BMPER: variants seen among roughly 807,000 people sequenced by gnomAD.
BMPER encodes the protein BMP-binding endothelial regulator protein.
In BMPER, 45 loss-of-function variants were observed where a neutral mutation model predicts 87.3. The observed-to-expected ratio is 0.52, with a 90% CI of 0.41 to 0.66. The LOEUF (loss-of-function observed/expected upper bound fraction) is 0.66. Ranked by LOEUF, BMPER falls within the 30% of genes least tolerant of loss-of-function variation. BMPER has a pLI of 0.00. For synonymous variants in BMPER, 326 were observed against 316.2 expected (o/e 1.03, Z -0.33); for missense variants, 784 against 867.5 (o/e 0.90, Z 1.21).
intron 13 of BMPER, among the ~76,000 whole-genome samples, chr7:34,138,542 C>G (rs1790782288): frequency 6.6e-6 from 1 of 152,176 alleles, no homozygotes; most frequent in Non-Finnish European, 1.5e-5. Context: ...AAGAGTCCTA[C>G]CTGAACCCTG....
intron 13 of BMPER, among the ~76,000 whole-genome samples, chr7:34,087,803 T>A (rs1789258587): frequency 6.6e-6 from 1 of 152,206 alleles, no homozygotes; most frequent in Admixed American, 6.5e-5. Context: ...CACCTTTGAT[T>A]TTTATCCCAT....
At chr7:34,022,760 T>C (rs1475722782) in intron 6 of BMPER, among the ~76,000 whole-genome samples, 1 of 151,438 alleles carries the variant, frequency 6.6e-6, no homozygotes, top group East Asian at 2.0e-4. Flanking sequence ...ATTTATCATA[T>C]TGGCAATATG....
At chr7:34,104,845 A>G (rs1273825916) in intron 13 of BMPER, among the ~76,000 whole-genome samples, 2 of 152,200 alleles carry the variant, frequency 1.3e-5, no homozygotes, top group African/African-American at 4.8e-5. Flanking sequence ...TCCCAGCCTG[A>G]CAGATGGGTG....
chr7:34,136,316 T>C (rs1790717794), intron 13 of BMPER, among the ~76,000 whole-genome samples: 1 of 152,054 alleles, frequency 6.6e-6, no homozygotes, highest in Non-Finnish European at 1.5e-5. Flanking sequence ...TAAGAATGAG[T>C]GTGTGAACGT....
intron 11 of BMPER, among the ~76,000 whole-genome samples, chr7:34,077,356 G>GA (rs1219044759): frequency 6.6e-6 from 1 of 152,158 alleles, no homozygotes; most frequent in Non-Finnish European, 1.5e-5. Context: ...ATTGGAGTCA[G>GA]AAGGAAAAGC....
At chr7:33,969,621 G>T (rs929172481) in intron 4 of BMPER, among the ~76,000 whole-genome samples, 2 of 152,124 alleles carry the variant, frequency 1.3e-5, no homozygotes, top group Admixed American at 6.5e-5. Context: ...GGATGGTCTC[G>T]ATCTCCTGAC....
intron 13 of BMPER, among the ~76,000 whole-genome samples, chr7:34,124,459 T>A (rs953128958): frequency 2.6e-5 from 4 of 152,022 alleles, no homozygotes; most frequent in Admixed American, 6.6e-5. Flanking sequence ...GTTTTTTTTT[T>A]TTTTGTGACA....
intron 13 of BMPER, among the ~76,000 whole-genome samples, chr7:34,139,771 A>G (rs1241127049): frequency 6.6e-6 from 1 of 152,170 alleles, no homozygotes; most frequent in Non-Finnish European, 1.5e-5. Flanking sequence ...TATATTTTCA[A>G]AACTTCATTG....
intron 3 of BMPER, among the ~76,000 whole-genome samples, chr7:33,943,596 T>G (rs1313516239): frequency 6.6e-6 from 1 of 152,218 alleles, no homozygotes; most frequent in African/African-American, 2.4e-5. Context: ...GGTGTGCATG[T>G]GTCAAACTAT....
rs371412264 is a variant in BMPER, at chr7:33,909,228, T to C, written c.219+2325T>C. On this transcript the variant is annotated intron_variant, in intron 2 of 14. Transcript: ENST00000649409. ...ACTGAGGCATAGGGGGCTAAGTAGC[T>C]TGTGAAGGTTGCATTTGAGTAAATA... 9.9e-4 allele frequency among the ~76,000 whole-genome samples: 151 copies of C among 152,316 alleles called. 2 individuals are homozygous for C. Among genetic ancestry groups the C allele is most frequent in the African/African-American group, 3.5e-3 (145 of 41,570 alleles).
chr7:33,913,660 T>C (rs1032112190), intron 2 of BMPER, among the ~76,000 whole-genome samples: 5 of 152,192 alleles, frequency 3.3e-5, no homozygotes, highest in African/African-American at 1.2e-4. Context: ...AATATTTTGA[T>C]AGAAAGACTC....
chr7:33,984,060 G>C (rs1015616490), intron 6 of BMPER, among the ~76,000 whole-genome samples: 1 of 152,118 alleles, frequency 6.6e-6, no homozygotes, highest in African/African-American at 2.4e-5. Context: ...GGAAAATTGA[G>C]ACATAATCTA....
chr7:33,905,466 C>T (rs1376060316), upstream of BMPER: 69 of 731,964 alleles, frequency 9.4e-5, no homozygotes, highest in Non-Finnish European at 1.3e-4. Flanking sequence ...CACCCCCCCG[C>T]CCCCCAGCTC....
chr7:34,074,187 T>C (rs1412762795), intron 11 of BMPER, among the ~76,000 whole-genome samples: 1 of 152,276 alleles, frequency 6.6e-6, no homozygotes, highest in African/African-American at 2.4e-5. Flanking sequence ...ACAGATTGGT[T>C]ACTATTTCTG....
At position 34,108,370 on chromosome 7, in the gene BMPER, C is replaced by T. The variant is rs1418575886; in HGVS notation, c.1745+22278C>T. 3.3e-5 allele frequency among the ~76,000 whole-genome samples: 5 copies of T among 152,284 alleles called. 1 individual carries two copies. The Middle Eastern group carries it at 0.014, about 414-fold the overall frequency. Reference sequence around the variant, plus strand: ...GTGGAACCGGTCTCATGAATTGTTCCCTCATTGTGAAGTCAACTCATTCCT... The same window carrying T: ...GTGGAACCGGTCTCATGAATTGTTCTCTCATTGTGAAGTCAACTCATTCCT... On this transcript the variant is annotated intron_variant, in intron 13 of 14. Transcript: ENST00000649409.
chr7:34,042,399 T>A (rs1290713011), intron 6 of BMPER, among the ~76,000 whole-genome samples: 2 of 152,244 alleles, frequency 1.3e-5, no homozygotes, highest in African/African-American at 2.4e-5. Flanking sequence ...TTTGTCCTTA[T>A]GTATTTTAAC....
At chr7:34,079,270 A>C in intron 12 of BMPER, 84 bp downstream of exon 12, 1 of 1,563,576 alleles carries the variant, frequency 6.4e-7, no homozygotes, top group South Asian at 1.1e-5. Flanking sequence ...AGCACTCAGG[A>C]GATGTGGTTC....
intron 13 of BMPER, among the ~76,000 whole-genome samples, chr7:34,110,471 C>T (rs1583449524): frequency 6.6e-6 from 1 of 152,146 alleles, no homozygotes; most frequent in South Asian, 2.1e-4. Context: ...CCAGAGGGTT[C>T]AGGAAAGGAT....
intron 6 of BMPER, among the ~76,000 whole-genome samples, chr7:34,006,036 G>A (rs1786723637): frequency 6.6e-6 from 1 of 151,990 alleles, no homozygotes; most frequent in Admixed American, 6.6e-5. Context: ...GCCATTATTT[G>A]TAAAGGGGTA....
Sources: allele counts gnomAD v4.1 joint callset (sites outside exome capture counted in the v4.1 genomes callset), GRCh38; gene constraint gnomAD v4.1.1; transcripts MANE v1.5; gene names NCBI Gene and HGNC (gene_info 2026-07-23, HGNC 2026-07-21).